The following SLC9A9 variants were observed in gnomAD, a reference collection of about 807,000 sequenced individuals.
The protein encoded by SLC9A9 is solute carrier family 9 member A9, also known as sodium/hydrogen exchanger 9.
In SLC9A9, 62 loss-of-function variants were observed where a neutral mutation model predicts 77.8. That is an observed-to-expected ratio of 0.80 (90% CI 0.65 to 0.98). The LOEUF (loss-of-function observed/expected upper bound fraction) is 0.98. Ranked by LOEUF, SLC9A9 falls within the 50% of genes least tolerant of loss-of-function variation. The pLI is 0.00. For synonymous variants in SLC9A9, 320 were observed against 283.5 expected, an observed-to-expected ratio of 1.13 and a Z score of -1.29; for missense variants, 775 against 774.9, an observed-to-expected ratio of 1.00 and a Z score of 0.00.
intron 6 of SLC9A9, among the ~76,000 whole-genome samples, chr3:143,615,761 T>C (rs1029351711): frequency 1.3e-5 from 2 of 152,168 alleles, no homozygotes; most frequent in African/African-American, 4.8e-5. Context: ...TATATGATTA[T>C]CCTCATTTTA....
At chr3:143,622,810 C>T (rs2038244628) in intron 6 of SLC9A9, among the ~76,000 whole-genome samples, 1 of 152,090 alleles carries the variant, frequency 6.6e-6, no homozygotes, top group Admixed American at 6.5e-5. Flanking sequence ...AATTTAAAGA[C>T]ACAGACTGGC....
At chr3:143,837,417 C>CT (rs1387635770) in intron 1 of SLC9A9, among the ~76,000 whole-genome samples, 1 of 152,176 alleles carries the variant, frequency 6.6e-6, no homozygotes, top group Non-Finnish European at 1.5e-5. Context: ...TGTAGGAGAA[C>CT]TGAGTTTTGC....
chr3:143,605,468 G>C (rs747071441), intron 6 of SLC9A9, among the ~76,000 whole-genome samples: 5 of 152,208 alleles, frequency 3.3e-5, no homozygotes, highest in African/African-American at 7.2e-5. Context: ...TGCAGTGTTG[G>C]AACATGAACT....
chr3:143,689,259 AAC>A (rs1933378684), intron 5 of SLC9A9, among the ~76,000 whole-genome samples: 1 of 152,156 alleles, frequency 6.6e-6, no homozygotes, highest in Admixed American at 6.6e-5. Flanking sequence ...CTCCCAAAGA[AAC>A]ACTGTCAAAA....
At chr3:143,336,979 A>C (rs2031945710) in intron 14 of SLC9A9, among the ~76,000 whole-genome samples, 1 of 152,214 alleles carries the variant, frequency 6.6e-6, no homozygotes, top group African/African-American at 2.4e-5. Context: ...CACAAGGAGC[A>C]CATTGTTATG....
chr3:143,397,781 G>T (rs1490115073), intron 12 of SLC9A9, among the ~76,000 whole-genome samples: 1 of 152,148 alleles, frequency 6.6e-6, no homozygotes. Context: ...GGAAGGGAAG[G>T]AGCCTTAATG....
chr3:143,847,083 A>G (rs1432276573), intron 1 of SLC9A9, among the ~76,000 whole-genome samples: 1 of 152,104 alleles, frequency 6.6e-6, no homozygotes, highest in Non-Finnish European at 1.5e-5. Flanking sequence ...TGAAATCACA[A>G]CTATACACTG....
At chr3:143,663,993 C>T (rs1333106093) in intron 5 of SLC9A9, among the ~76,000 whole-genome samples, 2 of 152,064 alleles carry the variant, frequency 1.3e-5, no homozygotes, top group Non-Finnish European at 2.9e-5. Flanking sequence ...CACAAAGATA[C>T]TCCTTGAGAA....
chr3:143,365,837 A>G (rs1021096113), intron 13 of SLC9A9, among the ~76,000 whole-genome samples: 4 of 152,216 alleles, frequency 2.6e-5, no homozygotes, highest in Admixed American at 2.0e-4. Context: ...GTTTGTCAAC[A>G]GCATATTGGG....
intron 4 of SLC9A9, among the ~76,000 whole-genome samples, chr3:143,729,583 G>A (rs555119473): frequency 2.0e-5 from 3 of 152,214 alleles, no homozygotes; most frequent in Non-Finnish European, 4.4e-5. Flanking sequence ...AGGAGACAAA[G>A]CAAATACATA....
intron 6 of SLC9A9, among the ~76,000 whole-genome samples, chr3:143,601,596 C>A (rs1393887692): frequency 1.3e-5 from 2 of 152,200 alleles, no homozygotes; most frequent in African/African-American, 2.4e-5. Context: ...CTTCTATGTG[C>A]AGTTTCAAAA....
intron 8 of SLC9A9, among the ~76,000 whole-genome samples, chr3:143,563,489 T>C (rs1042389166): frequency 6.6e-6 from 1 of 152,174 alleles, no homozygotes; most frequent in Non-Finnish European, 1.5e-5. Flanking sequence ...TCAGACACTT[T>C]GCTAGTTTGA....
At chr3:143,728,388 T>C (rs1934716781) in intron 4 of SLC9A9, among the ~76,000 whole-genome samples, 1 of 152,064 alleles carries the variant, frequency 6.6e-6, no homozygotes, top group Admixed American at 6.6e-5. Context: ...GAGCATTCCA[T>C]GCAGGGAGAG....
chr3:143,751,950 G>GA (rs1344513043), intron 4 of SLC9A9, among the ~76,000 whole-genome samples: 1 of 152,198 alleles, frequency 6.6e-6, no homozygotes, highest in Non-Finnish European at 1.5e-5. Context: ...CTGACTGTAA[G>GA]AAAACCTGTT....
chr3:143,664,226 C>T (rs1377228735), intron 5 of SLC9A9, among the ~76,000 whole-genome samples: 1 of 151,986 alleles, frequency 6.6e-6, no homozygotes, highest in Admixed American at 6.6e-5. Flanking sequence ...TATCCAGCCA[C>T]ACCAAGCTTC....
At chr3:143,710,649 A>G (rs979404070) in intron 4 of SLC9A9, among the ~76,000 whole-genome samples, 1 of 152,242 alleles carries the variant, frequency 6.6e-6, no homozygotes, top group East Asian at 1.9e-4. Flanking sequence ...CCTGGTTTGT[A>G]TCAGAACAAA....
At chr3:143,553,652 A>G (rs1016683837) in intron 8 of SLC9A9, among the ~76,000 whole-genome samples, 2 of 152,218 alleles carry the variant, frequency 1.3e-5, no homozygotes, top group African/African-American at 2.4e-5. Flanking sequence ...CATTGGATAA[A>G]ACATTGCTAA....
chr3:143,559,210 G>A lies in SLC9A9; in HGVS notation c.1001-6760C>T, dbSNP rs149575268. 2.8e-3 allele frequency among the ~76,000 whole-genome samples: 421 copies of A among 152,226 alleles called. 4 individuals are homozygous for A. Among genetic ancestry groups the A allele is most frequent in the Non-Finnish European group, 3.1e-3 (212 of 68,004 alleles). On this transcript the variant is annotated intron_variant, in intron 8 of 15. Coordinates refer to ENST00000316549, the MANE Select transcript of SLC9A9 (RefSeq NM_173653.4). ...ACCCAGTCTTGGGTATTTCTTCATA[G>A]CAGTGTGAGAATGGATAATACACAG... is the stretch of plus-strand genomic sequence containing the variant.
chr3:143,642,574 G>C (rs2038641065), intron 6 of SLC9A9, among the ~76,000 whole-genome samples: 1 of 152,160 alleles, frequency 6.6e-6, no homozygotes, highest in Non-Finnish European at 1.5e-5. Flanking sequence ...TAGACATAAT[G>C]TGATGCTTCA....
Sources: gnomAD v4.1 joint callset for allele counts (sites outside exome capture counted in the v4.1 genomes callset) on GRCh38, gnomAD v4.1.1 for gene constraint, MANE v1.5 for transcripts, NCBI Gene and HGNC (gene_info 2026-07-23, HGNC 2026-07-21) for gene names.